The following CADPS2 variants were observed in gnomAD, a reference collection of about 807,000 sequenced individuals.
CADPS2 encodes the protein calcium-dependent secretion activator 2.
CADPS2 carries 93 observed loss-of-function variants against 172.5 expected under a neutral mutation model. That is an observed-to-expected ratio of 0.54 (90% confidence interval 0.46 to 0.64). The LOEUF is 0.64. Among genes scored for constraint, CADPS2 ranks in the 30% least tolerant of loss-of-function variants. The pLI is 0.00. For missense variants in CADPS2, 1,420 were observed against 1,565.9 expected (o/e 0.91, Z 1.57); for synonymous variants, 546 against 555.2 (o/e 0.98, Z 0.23).
chr7:122,587,746 C>A (rs1204021403), intron 6 of CADPS2, among the ~76,000 whole-genome samples: 1 of 151,844 alleles, frequency 6.6e-6, no homozygotes, highest in African/African-American at 2.4e-5. Flanking sequence ...GGGTATATAA[C>A]CAGTAATGGA....
At chr7:122,332,229 A>G (rs1192516214) in intron 28 of CADPS2, among the ~76,000 whole-genome samples, 1 of 152,192 alleles carries the variant, frequency 6.6e-6, no homozygotes, top group Non-Finnish European at 1.5e-5. Flanking sequence ...CTATTAGGTT[A>G]TACATCTCAT....
intron 9 of CADPS2, among the ~76,000 whole-genome samples, chr7:122,512,169 G>A (rs1013472560): frequency 3.3e-5 from 5 of 152,072 alleles, no homozygotes; most frequent in African/African-American, 9.7e-5. Context: ...TTTTCATGGA[G>A]TTACCAGGCT....
rs1294886359 is a variant in CADPS2, at chr7:122,351,288, G to C, written c.3505-5607C>G. Among the ~76,000 whole-genome samples, 3 of 141,310 alleles carry C rather than the reference G, an allele frequency of 2.1e-5. No homozygotes were observed. The East Asian group carries it at 6.8e-4, about 32-fold the overall frequency. 92.7% of individuals were successfully genotyped at this position (141,310 alleles called of 152,430 possible). Reference sequence around the variant, plus strand: ...CTTGGGAGGCTGAGGCAGGACAACAGCATGAACCCAGGAGGCAGAGCTTGC... The same window carrying C: ...CTTGGGAGGCTGAGGCAGGACAACACCATGAACCCAGGAGGCAGAGCTTGC... On this transcript the variant is annotated intron_variant, in intron 27 of 29. Transcript: ENST00000449022.
chr7:122,371,483 T>G (rs1371385654), intron 25 of CADPS2, among the ~76,000 whole-genome samples: 1 of 150,656 alleles, frequency 6.6e-6, no homozygotes, highest in Non-Finnish European at 1.5e-5. Flanking sequence ...TCACTCACTA[T>G]CATGAGAATA....
intron 5 of CADPS2, among the ~76,000 whole-genome samples, chr7:122,618,006 T>C (rs562998094): frequency 1.3e-5 from 2 of 150,634 alleles, no homozygotes; most frequent in African/African-American, 4.9e-5. Flanking sequence ...ATCGTGCCAC[T>C]GCACTCCAGC....
chr7:122,348,187 C>CT (rs1229457507), intron 27 of CADPS2, among the ~76,000 whole-genome samples: 2 of 152,182 alleles, frequency 1.3e-5, no homozygotes, highest in African/African-American at 2.4e-5. Context: ...CTAGACCTAT[C>CT]AGTCTCAGTG....
At chr7:122,773,334 T>C (rs906636583) in intron 1 of CADPS2, among the ~76,000 whole-genome samples, 1 of 152,008 alleles carries the variant, frequency 6.6e-6, no homozygotes, top group Non-Finnish European at 1.5e-5. Context: ...TAACTCCTTT[T>C]CTATAATAAA....
chr7:122,691,175 G>A (rs986766005), intron 2 of CADPS2, among the ~76,000 whole-genome samples: 1 of 152,046 alleles, frequency 6.6e-6, no homozygotes. Flanking sequence ...CTGCTATCAG[G>A]TAAGTCGTCC....
chr7:122,551,068 C>T (rs1405982064), intron 8 of CADPS2, among the ~76,000 whole-genome samples: 2 of 151,912 alleles, frequency 1.3e-5, no homozygotes, highest in Non-Finnish European at 2.9e-5. Flanking sequence ...AATATATAGT[C>T]GTGGACTGAT....
chr7:122,775,017 T>C (rs547109854), intron 1 of CADPS2, among the ~76,000 whole-genome samples: 52 of 152,300 alleles, frequency 3.4e-4, no homozygotes, highest in South Asian at 1.4e-3. Context: ...CTCTCAACTA[T>C]GTGTGTTTTT....
At chr7:122,449,353 T>A (rs545532318) in intron 15 of CADPS2, among the ~76,000 whole-genome samples, 1 of 152,228 alleles carries the variant, frequency 6.6e-6, no homozygotes, top group Admixed American at 6.5e-5. Context: ...CAGAGTGTTG[T>A]CATCCAAGCT....
chr7:122,378,337 G>T (rs1457716540), intron 25 of CADPS2, among the ~76,000 whole-genome samples: 3 of 152,088 alleles, frequency 2.0e-5, no homozygotes, highest in Non-Finnish European at 2.9e-5. Flanking sequence ...TTCCAGAAAG[G>T]CTGTAACAAT....
At chr7:122,640,055 G>A (rs117549095) in intron 3 of CADPS2, among the ~76,000 whole-genome samples, 3,669 of 152,200 alleles carry the variant, frequency 0.024, 50 homozygotes, top group Middle Eastern at 0.037. Flanking sequence ...TTTCAGCTCC[G>A]TACCCCGATC....
chr7:122,645,347 G>A (rs1174553088), intron 3 of CADPS2, among the ~76,000 whole-genome samples: 4 of 60,688 alleles, frequency 6.6e-5, no homozygotes, highest in East Asian at 3.5e-4. Context: ...ACATGTACAT[G>A]TGTGTGTATA....
At chr7:122,646,105 C>A (rs2078523403) in intron 3 of CADPS2, among the ~76,000 whole-genome samples, 1 of 151,892 alleles carries the variant, frequency 6.6e-6, no homozygotes, top group Non-Finnish European at 1.5e-5. Flanking sequence ...CGAGTTTCAA[C>A]ATAATAAGAG....
intron 25 of CADPS2, among the ~76,000 whole-genome samples, chr7:122,371,885 G>A (rs1411666034): frequency 1.3e-5 from 2 of 152,096 alleles, no homozygotes; most frequent in Admixed American, 6.5e-5. Context: ...AGAGGCACCT[G>A]GGGTGGGGTG....
rs79655621 is a variant in CADPS2, at chr7:122,661,116, C to T, written c.786+2121G>A. 1.9e-3 allele frequency among the ~76,000 whole-genome samples: 286 copies of T among 152,318 alleles called. 3 individuals carry two copies. The highest frequency in any genetic ancestry group is 0.01 in the East Asian group (52 of 5,190). On this transcript the variant is annotated intron_variant, in intron 3 of 29. Transcript: ENST00000449022. Reference sequence around the variant, plus strand: ...TAATCAGGGATAAAAAGGAATACTACATCACGATAAAGGAGTCAATTCTAC... The same window carrying T: ...TAATCAGGGATAAAAAGGAATACTATATCACGATAAAGGAGTCAATTCTAC...
intron 6 of CADPS2, among the ~76,000 whole-genome samples, chr7:122,585,119 A>G (rs1224676636): frequency 6.6e-6 from 1 of 152,036 alleles, no homozygotes; most frequent in Non-Finnish European, 1.5e-5. Context: ...GCACAAAAAT[A>G]CCAGCAGATC....
Position 122,663,384 on chromosome 7 carries a change from A to G in CADPS2, c.639T>C (p.Gly213=), listed in dbSNP as rs777734801. The G allele has an allele frequency of 1.2e-6, 2 of 1,613,680 alleles. No individual in the cohort carries two copies. Among genetic ancestry groups the G allele is most frequent in the Non-Finnish European group, 1.7e-6 (2 of 1,179,854 alleles). ...WIAKYDAIYR[G]EEDLCKQPNR... ...TTGGCTGTTTGCACAAGTCCTCTTC[A>G]CCTCTGTAAATGGCATCATATTTGG... The change falls in exon 3 of 30, where the codon GGT becomes GGC. Residue 213 remains glycine, a synonymous_variant. Transcript: ENST00000449022.
Sources: allele counts gnomAD v4.1 joint callset (sites outside exome capture counted in the v4.1 genomes callset), GRCh38; gene constraint gnomAD v4.1.1; transcripts MANE v1.5; gene names NCBI Gene and HGNC (gene_info 2026-07-23, HGNC 2026-07-21).